Variants in SEMA3D observed in about 807,000 individuals in gnomAD.
The protein encoded by SEMA3D is semaphorin-3D.
A neutral mutation model predicts 100.1 loss-of-function variants in SEMA3D; 84 were observed. That is an observed-to-expected ratio of 0.84 (90% CI 0.70 to 1.01). The LOEUF is 1.01. Among genes scored for constraint, SEMA3D ranks in the 50% least tolerant of loss-of-function variants. The pLI is 0.00. For missense variants in SEMA3D, 875 were observed against 934.1 expected, an observed-to-expected ratio of 0.94 and a Z score of 0.82; for synonymous variants, 312 against 320.7, an observed-to-expected ratio of 0.97 and a Z score of 0.29.
chr7:85,193,364 C>G, the SEMA3D span, among the ~76,000 whole-genome samples: 1 of 152,134 alleles, frequency 6.6e-6, no homozygotes, highest in Non-Finnish European at 1.5e-5. Flanking sequence ...GGAGCTGTAA[C>G]TGGTCCTCAC....
chr7:85,132,296 G>A (rs1205801526), intron 2 of SEMA3D, among the ~76,000 whole-genome samples: 1 of 151,852 alleles, frequency 6.6e-6, no homozygotes. Flanking sequence ...GTAAAACAGT[G>A]AAGCAATGTC....
chr7:85,124,152 A>T (rs1305460191), intron 2 of SEMA3D, among the ~76,000 whole-genome samples: 2 of 152,046 alleles, frequency 1.3e-5, no homozygotes, highest in Admixed American at 1.3e-4. Flanking sequence ...CTACAGAAAA[A>T]AATTTATCAG....
chr7:85,146,935 C>A (rs1172985269), intron 2 of SEMA3D, among the ~76,000 whole-genome samples: 1 of 151,824 alleles, frequency 6.6e-6, no homozygotes, highest in East Asian at 1.9e-4. Context: ...GTTGGTACAG[C>A]AATTAGGAGG....
rs528710931 is a variant in SEMA3D, at chr7:85,079,351, A to C, written c.375+2166T>G. Among the ~76,000 whole-genome samples, 5 of 152,338 alleles carry C rather than the reference A, an allele frequency of 3.3e-5. No individual in the cohort carries two copies. The South Asian group carries it at 1.0e-3, about 32-fold the overall frequency. On this transcript the variant is annotated intron_variant, in intron 5 of 18. Coordinates refer to ENST00000284136, the MANE Select transcript of SEMA3D (RefSeq NM_001384900.1). ...AGTTAAAATGAGGCAAAAATTAAAAATTATCACTACATGATTCAACATCAA... is the reference window on the plus strand; with the variant it reads ...AGTTAAAATGAGGCAAAAATTAAAACTTATCACTACATGATTCAACATCAA...
intron 12 of SEMA3D, among the ~76,000 whole-genome samples, chr7:85,032,421 T>C (rs1434825083): frequency 6.6e-6 from 1 of 151,966 alleles, no homozygotes; most frequent in Non-Finnish European, 1.5e-5. Flanking sequence ...AGCAATGAAG[T>C]AAAAGGCTAC....
intron 8 of SEMA3D, among the ~76,000 whole-genome samples, chr7:85,058,190 A>G (rs1274848177): frequency 2.6e-5 from 4 of 152,142 alleles, no homozygotes; most frequent in Non-Finnish European, 2.9e-5. Context: ...TATTCTTGAT[A>G]ATCTCACTTT....
At chr7:85,186,451 G>A (rs543029526) in intron 1 of SEMA3D, among the ~76,000 whole-genome samples, 2 of 152,144 alleles carry the variant, frequency 1.3e-5, no homozygotes, top group Non-Finnish European at 2.9e-5. Flanking sequence ...CTGCGCCCCA[G>A]GGGCCGCGCT....
intron 8 of SEMA3D, among the ~76,000 whole-genome samples, chr7:85,060,884 A>G (rs1185787823): frequency 1.3e-5 from 2 of 152,200 alleles, no homozygotes; most frequent in African/African-American, 2.4e-5. Context: ...AAAATTTAAA[A>G]CAAAAGTTCT....
intron 1 of SEMA3D, among the ~76,000 whole-genome samples, chr7:85,181,528 G>T (rs957827447): frequency 4.6e-4 from 70 of 152,234 alleles, no homozygotes; most frequent in African/African-American, 1.3e-3. Context: ...GTATAAATAA[G>T]AGATTGAATA....
chr7:85,040,956 G>A lies in SEMA3D; in HGVS notation c.977-214C>T, dbSNP rs1790844167. On this transcript the variant is annotated intron_variant, in intron 10 of 18. Transcript: ENST00000284136. ...ATAATCTCCAAGGTAGTTTCCAATTGGAAATCTGATTTCATAGAAAATATA... is the reference window on the plus strand; with the variant it reads ...ATAATCTCCAAGGTAGTTTCCAATTAGAAATCTGATTTCATAGAAAATATA... The A allele has an allele frequency of 9.6e-6, 3 of 312,176 alleles. No individual in the cohort carries two copies. In the East Asian group the frequency reaches 1.6e-4, roughly 17 times the overall value. The allele number at this position is 312,176 out of a possible 1,614,324, so 19.3% of individuals were successfully genotyped here.
At chr7:85,049,163 T>C (rs1315333028) in intron 9 of SEMA3D, among the ~76,000 whole-genome samples, 1 of 150,530 alleles carries the variant, frequency 6.6e-6, no homozygotes, top group East Asian at 1.9e-4. Flanking sequence ...AGGCAAAGGA[T>C]AGAGGAGAAA....
chr7:85,077,984 G>GT (rs1331357006), intron 5 of SEMA3D, among the ~76,000 whole-genome samples: 2 of 152,184 alleles, frequency 1.3e-5, no homozygotes, highest in Admixed American at 1.3e-4. Flanking sequence ...GAAATGCAGT[G>GT]TAACTATTAA....
chr7:85,033,385 G>A (rs1424020726), intron 12 of SEMA3D, among the ~76,000 whole-genome samples: 3 of 152,034 alleles, frequency 2.0e-5, no homozygotes, highest in Admixed American at 6.6e-5. Flanking sequence ...CATGTAAAAC[G>A]TGAGTTCTCT....
At chr7:85,001,836 T>C (rs550426222) in intron 18 of SEMA3D, among the ~76,000 whole-genome samples, 2 of 152,296 alleles carry the variant, frequency 1.3e-5, no homozygotes, top group South Asian at 2.1e-4. Context: ...ATTCTCTTAA[T>C]AGAAAATGGC....
chr7:85,141,735 G>A lies in SEMA3D; in HGVS notation c.-41+11873C>T, dbSNP rs1052372413. 4 of 873,894 alleles carry A rather than the reference G, an allele frequency of 4.6e-6. No homozygotes were observed. In the African/African-American group the frequency reaches 7.3e-5, roughly 16 times the overall value. 54.1% of individuals were successfully genotyped at this position (873,894 alleles called of 1,614,324 possible). A position where few individuals can be genotyped will look rare whatever the true frequency, so the allele number is the denominator to read the frequency against. ...TTAGTATCTAATAATGTTTTCTATT[G>A]AGAGAAACTGGGCTCTGTTTTCTCA... On this transcript the variant is annotated intron_variant, in intron 2 of 18. Transcript: ENST00000284136.
intron 4 of SEMA3D, among the ~76,000 whole-genome samples, chr7:85,081,853 T>C (rs1788074969): frequency 6.6e-6 from 1 of 152,214 alleles, no homozygotes; most frequent in South Asian, 2.1e-4. Flanking sequence ...GTCCATAAGC[T>C]TTATCATGAT....
At chr7:85,208,301 A>G in the SEMA3D span, among the ~76,000 whole-genome samples, 1 of 152,026 alleles carries the variant, frequency 6.6e-6, no homozygotes, top group Non-Finnish European at 1.5e-5. Context: ...CCTGAGATTG[A>G]CAGCAACAAA....
At chr7:85,180,788 T>C in intron 1 of SEMA3D, among the ~76,000 whole-genome samples, 1 of 152,186 alleles carries the variant, frequency 6.6e-6, no homozygotes, top group East Asian at 1.9e-4. Flanking sequence ...CTATATTACA[T>C]TTAGTTCTCA....
intron 1 of SEMA3D, among the ~76,000 whole-genome samples, chr7:85,173,923 T>A (rs917674513): frequency 2.0e-5 from 3 of 152,136 alleles, no homozygotes; most frequent in Non-Finnish European, 4.4e-5. Flanking sequence ...CATTGAAAAT[T>A]AAACCAATCA....
Sources: allele counts gnomAD v4.1 joint callset (sites outside exome capture counted in the v4.1 genomes callset), GRCh38; gene constraint gnomAD v4.1.1; transcripts MANE v1.5; gene names NCBI Gene and HGNC (gene_info 2026-07-23, HGNC 2026-07-21).